XKR6: variants seen among roughly 807,000 people sequenced by gnomAD.
The protein encoded by XKR6 is XK-related protein 6.
Under a neutral mutation model 56.7 loss-of-function variants are expected in XKR6, and 22 were observed. That is an observed-to-expected ratio of 0.39 (90% CI 0.28 to 0.55). The LOEUF is 0.55. Among genes scored for constraint, XKR6 ranks in the 20% least tolerant of loss-of-function variants. XKR6 has a pLI of 0.66. For missense variants in XKR6, 852 were observed against 889.0 expected, an observed-to-expected ratio of 0.96 and a Z score of 0.53; for synonymous variants, 524 against 387.8, an observed-to-expected ratio of 1.35 and a Z score of -4.13.
At chr8:10,917,466 C>G (rs188202555) in intron 2 of XKR6, among the ~76,000 whole-genome samples, 2 of 152,322 alleles carry the variant, frequency 1.3e-5, no homozygotes, top group East Asian at 3.9e-4. Context: ...ATTCCTTGCT[C>G]TAGGAAGAAG....
At chr8:11,055,249 AG>A (rs1389721388) in intron 1 of XKR6, among the ~76,000 whole-genome samples, 3 of 152,090 alleles carry the variant, frequency 2.0e-5, no homozygotes, top group Non-Finnish European at 2.9e-5. Context: ...GGTGGATGAA[AG>A]GATATCACTA....
At chr8:11,192,117 A>C (rs1803612348) in intron 1 of XKR6, among the ~76,000 whole-genome samples, 1 of 152,140 alleles carries the variant, frequency 6.6e-6, no homozygotes, top group South Asian at 2.1e-4. Flanking sequence ...CAAGAGTTCA[A>C]AACCAGCCTG....
chr8:10,970,556 G>C (rs1244925358), intron 1 of XKR6, among the ~76,000 whole-genome samples: 4 of 151,998 alleles, frequency 2.6e-5, no homozygotes, highest in Admixed American at 2.6e-4. Flanking sequence ...TGAGATGTCT[G>C]ATCTCAATGA....
chr8:11,031,875 C>T (rs1389461799), intron 1 of XKR6, among the ~76,000 whole-genome samples: 1 of 152,158 alleles, frequency 6.6e-6, no homozygotes, highest in East Asian at 1.9e-4. Context: ...TTTTGCATCC[C>T]AAAGCACCCA....
chr8:11,077,266 C>CCTGA (rs1347662611), intron 1 of XKR6, among the ~76,000 whole-genome samples: 1 of 152,148 alleles, frequency 6.6e-6, no homozygotes, highest in Non-Finnish European at 1.5e-5. Flanking sequence ...AAAGCCTCAG[C>CCTGA]GTGGCCTCTT....
At chr8:11,134,101 G>T (rs1487278066) in intron 1 of XKR6, among the ~76,000 whole-genome samples, 5 of 152,194 alleles carry the variant, frequency 3.3e-5, no homozygotes, top group Admixed American at 3.3e-4. Context: ...CCTGGTTCCT[G>T]GTTCATTTGG....
At chr8:10,969,856 T>G (rs966317044) in intron 1 of XKR6, among the ~76,000 whole-genome samples, 24 of 152,216 alleles carry the variant, frequency 1.6e-4, no homozygotes, top group Admixed American at 5.9e-4. Context: ...GGTGGTTTAT[T>G]TGCAGTGCAG....
At chr8:11,082,437 C>A (rs554289999) in intron 1 of XKR6, among the ~76,000 whole-genome samples, 1 of 152,266 alleles carries the variant, frequency 6.6e-6, no homozygotes, top group East Asian at 1.9e-4. Flanking sequence ...AGGTTGGCAG[C>A]TTCACCGGGC....
chr8:11,016,655 A>T (rs1798630621), intron 1 of XKR6, among the ~76,000 whole-genome samples: 1 of 151,948 alleles, frequency 6.6e-6, no homozygotes. Context: ...CGTCACTGCC[A>T]CGGATGACGA....
chr8:11,002,991 G>A (rs553457791), intron 1 of XKR6, among the ~76,000 whole-genome samples: 1 of 152,012 alleles, frequency 6.6e-6, no homozygotes, highest in South Asian at 2.1e-4. Flanking sequence ...ACTGGCTAAG[G>A]GGACCACTGA....
chr8:11,141,112 C>T (rs56801900), intron 1 of XKR6, among the ~76,000 whole-genome samples: 3,534 of 152,240 alleles, frequency 0.023, 154 homozygotes, highest in African/African-American at 0.079. Flanking sequence ...ATTAAACACA[C>T]AGGAGAAGGG....
chr8:11,119,736 C>T (rs1034692226), intron 1 of XKR6, among the ~76,000 whole-genome samples: 1 of 152,166 alleles, frequency 6.6e-6, no homozygotes, highest in Admixed American at 6.5e-5. Flanking sequence ...ATACAACATA[C>T]TGAGAATTTT....
rs560987477 is a variant in XKR6, at chr8:10,956,533, G to A, written c.765-31703C>T. Among the ~76,000 whole-genome samples the A allele has an allele frequency of 3.8e-3, 581 of 152,294 alleles. 5 individuals are homozygous for A. The highest frequency in any genetic ancestry group is 0.013 in the African/African-American group (559 of 41,568). ...CAACTTGGGAGCTCAGCCAATTATC[G>A]ACAGAGAGGACAGCGCTAAGCATGG... On this transcript the variant is annotated intron_variant, in intron 1 of 2. Transcript: ENST00000416569.
At chr8:11,091,522 T>G (rs146940725) in intron 1 of XKR6, among the ~76,000 whole-genome samples, 173 of 152,216 alleles carry the variant, frequency 1.1e-3, no homozygotes, top group African/African-American at 4.0e-3. Context: ...AATTGACTGA[T>G]GACTGGATGC....
At chr8:10,928,452 C>G (rs1191111050) in intron 1 of XKR6, among the ~76,000 whole-genome samples, 10 of 152,372 alleles carry the variant, frequency 6.6e-5, no homozygotes. Context: ...AGCCATGTCC[C>G]CCCTAAACCC....
intron 1 of XKR6, among the ~76,000 whole-genome samples, chr8:10,955,118 C>T (rs909889523): frequency 2.0e-5 from 3 of 152,072 alleles, no homozygotes; most frequent in African/African-American, 7.2e-5. Flanking sequence ...ATCCGTCAGC[C>T]TTGGCCTCCC....
At chr8:11,148,006 T>G (rs964609932) in intron 1 of XKR6, among the ~76,000 whole-genome samples, 10 of 152,014 alleles carry the variant, frequency 6.6e-5, no homozygotes, top group Non-Finnish European at 1.3e-4. Context: ...GGTCAGGAGT[T>G]GGAGGTCAGC....
chr8:10,917,911 G>C (rs1160370146), intron 2 of XKR6, among the ~76,000 whole-genome samples: 2 of 152,180 alleles, frequency 1.3e-5, no homozygotes, highest in Non-Finnish European at 2.9e-5. Flanking sequence ...CTAGCACAAA[G>C]ATTCTGTGCT....
chr8:11,079,517 C>T (rs1425783431), intron 1 of XKR6, among the ~76,000 whole-genome samples: 4 of 152,158 alleles, frequency 2.6e-5, no homozygotes, highest in African/African-American at 4.8e-5. Flanking sequence ...ATTTGGAAGT[C>T]TACACTGCAC....
Sources: gnomAD v4.1 joint callset for allele counts (sites outside exome capture counted in the v4.1 genomes callset) on GRCh38, gnomAD v4.1.1 for gene constraint, MANE v1.5 for transcripts, NCBI Gene and HGNC (gene_info 2026-07-23, HGNC 2026-07-21) for gene names.